ROS1: variants seen among roughly 807,000 people sequenced by gnomAD.
The protein encoded by ROS1 is proto-oncogene tyrosine-protein kinase ROS.
ROS1 carries 263 observed loss-of-function variants against 273.5 expected under a neutral mutation model. The ratio of observed to expected loss-of-function variants is 0.96; its 90% CI spans 0.87 to 1.06. The LOEUF is 1.06. Ranked by LOEUF, ROS1 falls within the 50% of genes least tolerant of loss-of-function variation. ROS1 has a pLI of 0.00. For missense variants in ROS1, 2,833 were observed against 2,751.1 expected (o/e 1.03, Z -0.67); for synonymous variants, 1,008 against 954.1 (o/e 1.06, Z -1.04).
chr6:117,353,587 G>A (rs1779059577), intron 26 of ROS1, among the ~76,000 whole-genome samples: 1 of 152,180 alleles, frequency 6.6e-6, no homozygotes, highest in Non-Finnish European at 1.5e-5. Context: ...TGGAATGAAT[G>A]CATAGTAAAC....
rs1344810205 is a variant in ROS1 at position 117,337,289 on chromosome 6, C to G, written c.5113G>C (p.Ala1705Pro). The G allele has an allele frequency of 6.2e-7, 1 of 1,612,464 alleles. No homozygotes were observed. Among genetic ancestry groups the G allele is most frequent in the Non-Finnish European group, 8.5e-7 (1 of 1,179,034 alleles). Residue 1705 changes from alanine (A) to proline (P), a missense_variant, in exon 32 of 44, where the codon GCT becomes CCT. Ala to Pro is a conservative substitution (Grantham distance 27). Coordinates refer to ENST00000368507, the MANE Select transcript of ROS1 (RefSeq NM_001378902.1). ...HVKTSCSQGP[A>P]YVCNITNLQP... ...AGATTTGTGATATTACAGACATAAG[C>G]AGGACCTTGGCTGCATGAAGTTTTA...
intron 27 of ROS1, among the ~76,000 whole-genome samples, chr6:117,350,786 A>G (rs1413070096): frequency 6.6e-6 from 1 of 151,362 alleles, no homozygotes; most frequent in African/African-American, 2.4e-5. Context: ...TCTACTATTA[A>G]GCCCATCAAA....
chr6:117,303,901 C>T (rs1471829152), intron 42 of ROS1, among the ~76,000 whole-genome samples: 1 of 152,090 alleles, frequency 6.6e-6, no homozygotes, highest in African/African-American at 2.4e-5. Flanking sequence ...AGCTAGTATC[C>T]ATTTGGGGAA....
chr6:117,379,061 C>T lies in ROS1; in HGVS notation c.2580G>A (p.Gln860=), dbSNP rs768095857. Residue 860 remains glutamine, a splice_region_variant and synonymous_variant, in exon 18 of 44, where the codon CAG becomes CAA. Transcript: ENST00000368507. ...TGCCTTTGAGGGACTCTACTTACCT[C>T]TGTCCCCGAAGAACAGCTGTGTACA... The part of the protein sequence containing the change: ...IHLYTAVLRG[Q]STGDTTITEF... 6.3e-7 allele frequency: 1 copy of T among 1,599,388 alleles called. No individual in the cohort carries two copies. Among genetic ancestry groups the T allele is most frequent in the Non-Finnish European group, 8.6e-7 (1 of 1,168,994 alleles).
intron 5 of ROS1, among the ~76,000 whole-genome samples, chr6:117,405,391 C>T (rs1774315997): frequency 6.6e-6 from 1 of 152,150 alleles, no homozygotes. Context: ...TTTTATAGTC[C>T]ATTTTTGACT....
intron 42 of ROS1, chr6:117,301,896 C>A (rs1452092212): frequency 6.6e-6 from 1 of 152,170 alleles, no homozygotes; most frequent in Non-Finnish European, 1.5e-5. Flanking sequence ...TAAACATTAT[C>A]TTTTCCTTAA....
At position 117,377,317 on chromosome 6, in the gene ROS1, G is replaced by A. The variant is rs546641217; in HGVS notation, c.2582+1742C>T. ...GTAGAGACGGAGTTTCACCACGTTG[G>A]TCAGGCTGGTCTCGAACTCCTGACC... On this transcript the variant is annotated intron_variant, in intron 18 of 43. Transcript: ENST00000368507. Among the ~76,000 whole-genome samples, 4 of 152,124 alleles carry A rather than the reference G, an allele frequency of 2.6e-5. No homozygotes were observed. The South Asian group carries it at 8.3e-4, about 32-fold the overall frequency.
At chr6:117,308,477 T>TCC (rs1775279368) in intron 42 of ROS1, among the ~76,000 whole-genome samples, 1 of 151,924 alleles carries the variant, frequency 6.6e-6, no homozygotes. Context: ...GTGTGTATAC[T>TCC]CTCTCTCTCA....
chr6:117,289,763 T>C (rs1562239830), intron 43 of ROS1, among the ~76,000 whole-genome samples: 1 of 152,142 alleles, frequency 6.6e-6, no homozygotes, highest in African/African-American at 2.4e-5. Flanking sequence ...ATCTCCCTAA[T>C]AGAAAGAACT....
chr6:117,346,909 CTT>C (rs146048057), intron 27 of ROS1, among the ~76,000 whole-genome samples: 14,736 of 152,186 alleles, frequency 0.097, 897 homozygotes, highest in Middle Eastern at 0.14. Context: ...TTCGCCACTT[CTT>C]CCCCCAGCCT....
intron 17 of ROS1, among the ~76,000 whole-genome samples, chr6:117,379,415 T>C (rs1039839213): frequency 6.6e-6 from 1 of 152,166 alleles, no homozygotes; most frequent in Non-Finnish European, 1.5e-5. Context: ...TTAGCTCCAG[T>C]AATTATCAAA....
At chr6:117,402,214 C>T (rs1240991101) in intron 7 of ROS1, among the ~76,000 whole-genome samples, 5 of 152,198 alleles carry the variant, frequency 3.3e-5, no homozygotes, top group Non-Finnish European at 5.9e-5. Flanking sequence ...TGTTACTCCT[C>T]TGCCTCCTGC....
chr6:117,393,058 C>T (rs949587452), intron 12 of ROS1, among the ~76,000 whole-genome samples, 166 bp downstream of exon 12: 1 of 152,170 alleles, frequency 6.6e-6, no homozygotes, highest in African/African-American at 2.4e-5. Flanking sequence ...ACATTCCCTC[C>T]TGGCTCTACA....
intron 43 of ROS1, among the ~76,000 whole-genome samples, chr6:117,298,488 A>G (rs1481191574): frequency 6.6e-6 from 1 of 152,196 alleles, no homozygotes; most frequent in Non-Finnish European, 1.5e-5. Context: ...ATTTAATTTT[A>G]TGTATTGGCA....
intron 31 of ROS1, among the ~76,000 whole-genome samples, chr6:117,339,591 C>A (rs1190277465): frequency 1.3e-5 from 2 of 152,128 alleles, no homozygotes; most frequent in Non-Finnish European, 2.9e-5. Context: ...CTCATCAACC[C>A]TTGCAGAACC....
chr6:117,394,849 G>T, intron 9 of ROS1, 111 bp from the exon 10 acceptor site: 1 of 951,596 alleles, frequency 1.1e-6, no homozygotes, highest in Non-Finnish European at 1.5e-6. Flanking sequence ...GCTTGAAAGA[G>T]GCTGGTCAAA....
At chr6:117,351,779 T>C (rs573439149) in intron 27 of ROS1, among the ~76,000 whole-genome samples, 73 of 152,294 alleles carry the variant, frequency 4.8e-4, no homozygotes, top group African/African-American at 1.7e-3. Flanking sequence ...TACTTGTTTT[T>C]GGGTGGAGTG....
chr6:117,295,107 C>T (rs1220105722), intron 43 of ROS1, among the ~76,000 whole-genome samples: 1 of 151,978 alleles, frequency 6.6e-6, no homozygotes, highest in East Asian at 1.9e-4. Context: ...CATAAAAACT[C>T]ACACATAGAT....
intron 31 of ROS1, among the ~76,000 whole-genome samples, chr6:117,338,475 AACGGG>A (rs1298471638): frequency 6.6e-6 from 1 of 151,914 alleles, no homozygotes; most frequent in Admixed American, 6.6e-5. Flanking sequence ...AGCTTAATGA[AACGGG>A]TGCATTGAAT....
Sources: allele counts gnomAD v4.1 joint callset (sites outside exome capture counted in the v4.1 genomes callset), GRCh38; gene constraint gnomAD v4.1.1; transcripts MANE v1.5; gene names NCBI Gene and HGNC (gene_info 2026-07-23, HGNC 2026-07-21).